The following GABBR2 variants were observed in gnomAD, a reference collection of about 807,000 sequenced individuals.
GABBR2 encodes G-protein coupled receptor 51.
GABBR2 carries 23 observed loss-of-function variants against 105.6 expected under a neutral mutation model. That is an observed-to-expected ratio of 0.22 (90% CI 0.16 to 0.31). GABBR2 has a LOEUF of 0.31. Ranked by LOEUF, GABBR2 falls within the 10% of genes least tolerant of loss-of-function variation. GABBR2 has a pLI of 1.00. For missense variants in GABBR2, 734 were observed against 1,245.5 expected (o/e 0.59, Z 6.18); for synonymous variants, 478 against 499.7 (o/e 0.96, Z 0.58).
chr9:98,465,959 C>A (rs61297575), intron 6 of GABBR2, among the ~76,000 whole-genome samples: 6,129 of 152,228 alleles, frequency 0.04, 411 homozygotes, highest in African/African-American at 0.14. Flanking sequence ...GGCAGGTTTT[C>A]CCCTTGCTGT....
intron 5 of GABBR2, among the ~76,000 whole-genome samples, chr9:98,476,666 T>C (rs1221034591): frequency 6.6e-6 from 1 of 152,244 alleles, no homozygotes; most frequent in Non-Finnish European, 1.5e-5. Context: ...TGTTCTGGGC[T>C]ATGTTCTTGG....
intron 1 of GABBR2, among the ~76,000 whole-genome samples, chr9:98,614,449 T>C (rs2131816462): frequency 6.6e-6 from 1 of 152,202 alleles, no homozygotes; most frequent in East Asian, 1.9e-4. Flanking sequence ...TGCTTGACCC[T>C]GGGAGGCAGA....
chr9:98,511,991 C>T (rs959558990), intron 3 of GABBR2, among the ~76,000 whole-genome samples: 11 of 152,236 alleles, frequency 7.2e-5, no homozygotes, highest in East Asian at 1.9e-4. Flanking sequence ...TCATGAACAT[C>T]GATGCAGAAA....
In GABBR2 at chr9:98,328,860, T is replaced by C. The variant is rs187280688; in HGVS notation, c.1894-17655A>G. ...CCAGTCGACTAGGAGACAGGGGGTA[T>C]GGTGGGTAGCAAGGTGGTTAAAGGT... On this transcript the variant is annotated intron_variant, in intron 13 of 18. Transcript: ENST00000259455. Among the ~76,000 whole-genome samples, 505 of 152,274 alleles carry C rather than the reference T, an allele frequency of 3.3e-3. 3 individuals carry two copies. Among genetic ancestry groups the C allele is most frequent in the Middle Eastern group, 0.02 (6 of 294 alleles).
At chr9:98,382,377 G>C (rs1315792267) in intron 11 of GABBR2, among the ~76,000 whole-genome samples, 1 of 152,060 alleles carries the variant, frequency 6.6e-6, no homozygotes, top group Non-Finnish European at 1.5e-5. Flanking sequence ...GCAGTGGCAC[G>C]ATCTCGGCTC....
chr9:98,424,818 C>G (rs1473018613), intron 7 of GABBR2, among the ~76,000 whole-genome samples: 1 of 152,104 alleles, frequency 6.6e-6, no homozygotes, highest in Non-Finnish European at 1.5e-5. Flanking sequence ...AACCACTGCT[C>G]AATGAAATAA....
intron 3 of GABBR2, among the ~76,000 whole-genome samples, chr9:98,518,133 A>G (rs983538056): frequency 6.6e-6 from 1 of 152,128 alleles, no homozygotes; most frequent in Non-Finnish European, 1.5e-5. Context: ...GCTCCTCCCA[A>G]TTCCAGTAGC....
chr9:98,431,354 G>A (rs998594536), intron 7 of GABBR2, among the ~76,000 whole-genome samples: 1 of 152,096 alleles, frequency 6.6e-6, no homozygotes, highest in African/African-American at 2.4e-5. Context: ...GCACTAGACT[G>A]TAAACTCTCT....
In GABBR2 at chr9:98,463,584, CCTCGCCCTCTCG is replaced by C. The variant is rs1826465472; in HGVS notation, c.1000-9379_1000-9368del. Among the ~76,000 whole-genome samples the C allele has an allele frequency of 2.0e-5, 3 of 147,720 alleles. No individual in the cohort carries two copies. The South Asian group carries it at 6.4e-4, about 31-fold the overall frequency. On this transcript the variant is annotated intron_variant, in intron 6 of 18. Transcript: ENST00000259455. ...GTTTAGAAACAGAGCTCTCCCTCTCCCTCGCCCTCTCGCTCTCCGTCTCGCTCTCGCTCTCGC... is the reference window on the plus strand; with the variant it reads ...GTTTAGAAACAGAGCTCTCCCTCTCCCTCTCCGTCTCGCTCTCGCTCTCGC...
chr9:98,302,443 C>G (rs758015161), intron 16 of GABBR2, among the ~76,000 whole-genome samples: 1 of 152,190 alleles, frequency 6.6e-6, no homozygotes, highest in Non-Finnish European at 1.5e-5. Context: ...CAGAGCTGCC[C>G]CAACCGGGCC....
chr9:98,405,058 T>C (rs1426569735), intron 8 of GABBR2, among the ~76,000 whole-genome samples: 1 of 152,154 alleles, frequency 6.6e-6, no homozygotes, highest in East Asian at 1.9e-4. Flanking sequence ...AAAAAATGCA[T>C]ACTGAAGTAT....
At chr9:98,417,791 G>A (rs1292752879) in intron 7 of GABBR2, among the ~76,000 whole-genome samples, 1 of 152,184 alleles carries the variant, frequency 6.6e-6, no homozygotes, top group Non-Finnish European at 1.5e-5. Context: ...TGGGTACAGA[G>A]GGCTGGCAGC....
intron 13 of GABBR2, among the ~76,000 whole-genome samples, chr9:98,349,523 T>C (rs1052914940): frequency 4.6e-5 from 7 of 151,952 alleles, no homozygotes; most frequent in Non-Finnish European, 8.8e-5. Context: ...CTGGCTAATT[T>C]TTTTGTATTT....
At chr9:98,467,547 G>A (rs1826586161) in intron 6 of GABBR2, among the ~76,000 whole-genome samples, 1 of 152,210 alleles carries the variant, frequency 6.6e-6, no homozygotes, top group South Asian at 2.1e-4. Context: ...CTTCCTCCGT[G>A]CTAAGCTCAG....
chr9:98,543,673 A>C (rs902843601), intron 2 of GABBR2, among the ~76,000 whole-genome samples: 2 of 152,152 alleles, frequency 1.3e-5, no homozygotes, highest in Non-Finnish European at 2.9e-5. Flanking sequence ...CCTATGTGTA[A>C]AAGTAATTGG....
chr9:98,550,160 C>A (rs1211779796), intron 2 of GABBR2, among the ~76,000 whole-genome samples: 1 of 152,166 alleles, frequency 6.6e-6, no homozygotes, highest in African/African-American at 2.4e-5. Context: ...CCAAGTCTTC[C>A]CAGTTATCCC....
intron 1 of GABBR2, among the ~76,000 whole-genome samples, chr9:98,595,725 A>G (rs1829225623): frequency 6.6e-6 from 1 of 152,062 alleles, no homozygotes; most frequent in African/African-American, 2.4e-5. Context: ...ATACAAAAGC[A>G]CAAAATGGCC....
chr9:98,556,639 C>G (rs1828589721), intron 2 of GABBR2, among the ~76,000 whole-genome samples: 1 of 151,878 alleles, frequency 6.6e-6, no homozygotes, highest in African/African-American at 2.4e-5. Context: ...ACACACAGAC[C>G]CAGCTCCTCT....
intron 2 of GABBR2, among the ~76,000 whole-genome samples, chr9:98,561,166 A>G (rs1828668958): frequency 6.6e-6 from 1 of 152,130 alleles, no homozygotes; most frequent in African/African-American, 2.4e-5. Context: ...TTTCCACAAT[A>G]TGGACTTTTT....
Sources: allele counts gnomAD v4.1 joint callset (sites outside exome capture counted in the v4.1 genomes callset), GRCh38; gene constraint gnomAD v4.1.1; transcripts MANE v1.5; gene names NCBI Gene and HGNC (gene_info 2026-07-23, HGNC 2026-07-21).